Variants in SPAG9 observed in about 807,000 individuals in gnomAD.
SPAG9 encodes C-Jun-amino-terminal kinase-interacting protein 4.
SPAG9 carries 35 observed loss-of-function variants against 166.5 expected under a neutral mutation model. The ratio of observed to expected loss-of-function variants is 0.21; its 90% CI spans 0.16 to 0.28. The LOEUF (loss-of-function observed/expected upper bound fraction) is 0.28, where lower values mean the gene tolerates loss of function less well. Among genes scored for constraint, SPAG9 ranks in the 10% least tolerant of loss-of-function variants. SPAG9 has a pLI of 1.00. For synonymous variants in SPAG9, 534 were observed against 565.5 expected (o/e 0.94, Z 0.79); for missense variants, 1,235 against 1,603.3 (o/e 0.77, Z 3.92).
chr17:51,004,408 T>C (rs915019077), intron 12 of SPAG9, among the ~76,000 whole-genome samples: 4 of 152,200 alleles, frequency 2.6e-5, no homozygotes, highest in African/African-American at 9.6e-5. Context: ...CCACATATCT[T>C]TGGTCTGACC....
chr17:51,065,676 T>C (rs2144568429), intron 2 of SPAG9, among the ~76,000 whole-genome samples: 1 of 152,274 alleles, frequency 6.6e-6, no homozygotes, highest in African/African-American at 2.4e-5. Flanking sequence ...CAAAACAGTT[T>C]CCTCTTTTGC....
intron 9 of SPAG9, chr17:51,007,707 A>G (rs925591098): frequency 2.0e-5 from 7 of 353,054 alleles, no homozygotes; most frequent in Admixed American, 3.8e-5. Context: ...CAGCTTTAAT[A>G]TGGATCGAAA....
chr17:51,089,651 TATATATATATATAC>T lies in SPAG9; in HGVS notation c.304-9961_304-9948del, dbSNP rs1423688095. ...ATATATATATATATATATATATATATATATATATATATACACATACACACACACACTTTCTTTTT... is the reference window on the plus strand; with the variant it reads ...ATATATATATATATATATATATATATACATACACACACACACTTTCTTTTT... On this transcript the variant is annotated intron_variant, in intron 1 of 29. Coordinates refer to ENST00000262013, the MANE Select transcript of SPAG9 (RefSeq NM_001130528.3). Among the ~76,000 whole-genome samples, 525 of 100,706 alleles carry T rather than the reference TATATATATATATAC, an allele frequency of 5.2e-3. 8 individuals are homozygous for T. The highest frequency in any genetic ancestry group is 0.018 in the African/African-American group (465 of 25,350). The allele number at this position is 100,706 out of a possible 152,430, so 66.1% of individuals were successfully genotyped here.
At chr17:51,010,127 C>CT (rs777564033) in intron 9 of SPAG9, among the ~76,000 whole-genome samples, 2 of 152,016 alleles carry the variant, frequency 1.3e-5, no homozygotes, top group African/African-American at 2.4e-5. Flanking sequence ...AACACTGATT[C>CT]TCAAGCTAGG....
Position 51,079,563 on chromosome 17 carries a change from G to A in SPAG9, c.424+21C>T, listed in dbSNP as rs747756412. On this transcript the variant is annotated intron_variant, in intron 2 of 29. Coordinates refer to ENST00000262013, the MANE Select transcript of SPAG9 (RefSeq NM_001130528.3). ...CAAGCCCAATCTTTAGTGTACTTAT[G>A]AGAAGAAATGTTTTACTTACTCTGG... 25 of 1,610,262 alleles carry A rather than the reference G, an allele frequency of 1.6e-5. No homozygotes were observed. In the Admixed American group the frequency reaches 4.2e-4, roughly 27 times the overall value.
Position 50,996,704 on chromosome 17 carries a change from A to G in SPAG9, c.1839-10T>C. ...TAAACTAGCTTCAGTTCTAAAAGGA[A>G]AAAAGATTTTCCTAATTACATGAAT... On this transcript the variant is annotated splice_polypyrimidine_tract_variant and intron_variant, in intron 15 of 29. Coordinates refer to ENST00000262013, the MANE Select transcript of SPAG9 (RefSeq NM_001130528.3). The G allele has an allele frequency of 1.9e-6, 3 of 1,613,804 alleles. No individual in the cohort carries two copies. The East Asian group carries it at 6.7e-5, about 36-fold the overall frequency.
chr17:51,089,620 TTATATA>T (rs746370783), intron 1 of SPAG9, among the ~76,000 whole-genome samples: 982 of 40,426 alleles, frequency 0.024, 20 homozygotes, highest in Non-Finnish European at 0.029. Flanking sequence ...ACACTTTATT[TTATATA>T]TATATATATA....
At chr17:50,999,841 A>G (rs887737759) in intron 13 of SPAG9, 124 bp from the exon 14 acceptor site, 1 of 707,116 alleles carries the variant, frequency 1.4e-6, no homozygotes, top group East Asian at 2.7e-5. Flanking sequence ...TAAGTTCAAT[A>G]AATACTGTAG....
chr17:50,981,790 G>A (rs1365015096), intron 25 of SPAG9, among the ~76,000 whole-genome samples: 2 of 151,414 alleles, frequency 1.3e-5, no homozygotes, highest in Non-Finnish European at 2.9e-5. Context: ...CCAGGACTTT[G>A]GGAGGCCAAG....
At position 50,966,005 on chromosome 17, in the gene SPAG9, C is replaced by A; in HGVS notation, c.*267G>T. 2.7e-6 allele frequency: 1 copy of A among 367,386 alleles called. No homozygotes were observed. The highest frequency in any genetic ancestry group is 3.4e-5 in the South Asian group (1 of 29,804). The allele number at this position is 367,386 out of a possible 1,614,324, so 22.8% of individuals were successfully genotyped here. On this transcript the variant is annotated 3_prime_UTR_variant, in exon 30 of 30. Transcript: ENST00000262013. Reference sequence around the variant, plus strand: ...GAGTAAACCACATCTGGATTGCTTTCTATAATTCACCAGTTTGCAGGAAGT... The same window carrying A: ...GAGTAAACCACATCTGGATTGCTTTATATAATTCACCAGTTTGCAGGAAGT...
At chr17:51,010,933 G>T (rs963911512) in intron 9 of SPAG9, among the ~76,000 whole-genome samples, 1 of 152,064 alleles carries the variant, frequency 6.6e-6, no homozygotes, top group African/African-American at 2.4e-5. Flanking sequence ...GAGCAAACAT[G>T]ATTTCTTAAA....
intron 4 of SPAG9, chr17:51,046,439 G>T (rs1274905018): frequency 1.2e-5 from 15 of 1,231,966 alleles, no homozygotes; most frequent in Non-Finnish European, 1.6e-5. Flanking sequence ...AAGCAGACCC[G>T]TTGAGCTAAA....
At chr17:51,076,131 T>A (rs182338398) in intron 2 of SPAG9, among the ~76,000 whole-genome samples, 19 of 151,276 alleles carry the variant, frequency 1.3e-4, no homozygotes, top group African/African-American at 3.6e-4. Context: ...AGAAAAAAAA[T>A]TTTTTTCAGG....
intron 2 of SPAG9, among the ~76,000 whole-genome samples, chr17:51,065,234 T>C (rs1051610213): frequency 4.6e-5 from 7 of 152,184 alleles, no homozygotes; most frequent in African/African-American, 1.7e-4. Context: ...GGTCTCGCTA[T>C]TTTGCCCAGG....
intron 28 of SPAG9, among the ~76,000 whole-genome samples, chr17:50,972,891 C>A (rs1344083723): frequency 2.6e-5 from 4 of 152,216 alleles, no homozygotes; most frequent in Non-Finnish European, 5.9e-5. Context: ...TTAGGGCCAA[C>A]TGGCCTCGCA....
rs1233690525 is a variant in SPAG9, at chr17:51,021,207, G to C, written c.942C>G (p.Ser314Arg). The C allele has an allele frequency of 6.2e-7, 1 of 1,613,974 alleles. No individual in the cohort carries two copies. The highest frequency in any genetic ancestry group is 8.5e-7 in the Non-Finnish European group (1 of 1,179,964). The change falls in exon 7 of 30, where the codon AGC becomes AGG. Residue 314 changes from serine (S) to arginine (R), a missense_variant. Physicochemically the swap from Ser to Arg is moderately radical, Grantham distance 110 (BLOSUM62 -1). Transcript: ENST00000262013. ...GGGCTACCTGTACTTCAATGTGTTT[G>C]CTTATCTCTGATTTATTTGGCGCAT... ...VTDAPNKSEISKHIEVQVAQE... is the reference protein window; with the variant it reads ...VTDAPNKSEIRKHIEVQVAQE...
chr17:50,998,385 G>T lies in SPAG9; in HGVS notation c.1838+59C>A, dbSNP rs2044772594. 8 of 1,471,256 alleles carry T rather than the reference G, an allele frequency of 5.4e-6. No individual in the cohort carries two copies. The South Asian group carries it at 9.6e-5, about 18-fold the overall frequency. 91.1% of individuals were successfully genotyped at this position (1,471,256 alleles called of 1,614,324 possible). ...ATCCTTAGAGCTGATAAGAGGCCAA[G>T]AATATTCTGAACCACTAACTTAATT... is the stretch of plus-strand genomic sequence containing the variant. On this transcript the variant is annotated intron_variant, in intron 15 of 29. Coordinates refer to ENST00000262013, the MANE Select transcript of SPAG9 (RefSeq NM_001130528.3).
intron 3 of SPAG9, among the ~76,000 whole-genome samples, chr17:51,054,908 A>G (rs1359750680): frequency 1.3e-5 from 2 of 152,214 alleles, no homozygotes; most frequent in Non-Finnish European, 2.9e-5. Flanking sequence ...GTAATAATCA[A>G]ATCTCACGTG....
chr17:51,045,213 C>T (rs1009258479), intron 4 of SPAG9, among the ~76,000 whole-genome samples: 1 of 152,164 alleles, frequency 6.6e-6, no homozygotes, highest in Non-Finnish European at 1.5e-5. Context: ...GCAGGCGCCG[C>T]ACAGCAGCTC....
Sources: allele counts gnomAD v4.1 joint callset (sites outside exome capture counted in the v4.1 genomes callset), GRCh38; gene constraint gnomAD v4.1.1; transcripts MANE v1.5; gene names NCBI Gene and HGNC (gene_info 2026-07-23, HGNC 2026-07-21).